The following ITGA11 variants were observed in gnomAD, a reference collection of about 807,000 sequenced individuals.
ITGA11 encodes integrin alpha-11.
A neutral mutation model predicts 141.9 loss-of-function variants in ITGA11; 97 were observed. The ratio of observed to expected loss-of-function variants is 0.68; its 90% CI spans 0.58 to 0.81. ITGA11 has a LOEUF of 0.81. ITGA11 is among the 30% of genes least tolerant of loss of function. The pLI is 0.00. For synonymous variants in ITGA11, 658 were observed against 624.6 expected (o/e 1.05, Z -0.80); for missense variants, 1,387 against 1,559.2 (o/e 0.89, Z 1.86).
intron 1 of ITGA11, among the ~76,000 whole-genome samples, chr15:68,423,700 C>T (rs1358573388): frequency 2.6e-5 from 4 of 152,198 alleles, no homozygotes; most frequent in African/African-American, 9.7e-5. Flanking sequence ...GTGGAGAAAG[C>T]TCTGGATGAA....
At chr15:68,370,440 C>T (rs926490906) in intron 2 of ITGA11, among the ~76,000 whole-genome samples, 2 of 152,174 alleles carry the variant, frequency 1.3e-5, no homozygotes, top group African/African-American at 4.8e-5. Context: ...CTCCAGGGCC[C>T]TCTACGCCTC....
At chr15:68,388,051 C>T (rs11072016) in intron 2 of ITGA11, among the ~76,000 whole-genome samples, 11,587 of 152,184 alleles carry the variant, frequency 0.076, 903 homozygotes, top group African/African-American at 0.2. Context: ...CTTGGATCCT[C>T]CAAACCAATG....
intron 9 of ITGA11, among the ~76,000 whole-genome samples, chr15:68,349,333 C>G (rs548716954): frequency 6.6e-6 from 1 of 152,220 alleles, no homozygotes. Flanking sequence ...TTGGATGGAA[C>G]TCAAACATCA....
intron 10 of ITGA11, among the ~76,000 whole-genome samples, chr15:68,342,725 T>C (rs1894608737): frequency 6.6e-6 from 1 of 152,142 alleles, no homozygotes; most frequent in Non-Finnish European, 1.5e-5. Context: ...CCGGGGCAGG[T>C]TTGTGCCCTA....
At position 68,328,395 on chromosome 15, in the gene ITGA11, G is replaced by A; in HGVS notation, c.1902-133C>T. 1.5e-6 allele frequency: 1 copy of A among 668,318 alleles called. No homozygotes were observed. The highest frequency in any genetic ancestry group is 1.8e-5 in the South Asian group (1 of 54,486). 41.4% of individuals were successfully genotyped at this position (668,318 alleles called of 1,614,324 possible). A position where few individuals can be genotyped will look rare whatever the true frequency, so the allele number is the denominator to read the frequency against. ...TGGAGGGGGTGAGGTGGAGGATGGAGGGGGCGAGGTGGAGGATGGAGGGGG... is the reference window on the plus strand; with the variant it reads ...TGGAGGGGGTGAGGTGGAGGATGGAAGGGGCGAGGTGGAGGATGGAGGGGG... On this transcript the variant is annotated intron_variant, in intron 15 of 29. Coordinates refer to ENST00000315757, the MANE Select transcript of ITGA11 (RefSeq NM_001004439.2). This position sits in a 1 kb window ranked among gnomAD's most constrained non-coding sequence, Gnocchi z 4.8.
At chr15:68,344,555 G>A (rs758465830) in intron 10 of ITGA11, among the ~76,000 whole-genome samples, 14 of 152,084 alleles carry the variant, frequency 9.2e-5, no homozygotes, top group Non-Finnish European at 2.1e-4. Context: ...GCTCATCTGG[G>A]ATGTTTATAC....
Position 68,335,611 on chromosome 15 carries a change from C to T in ITGA11, c.1425+86G>A, listed in dbSNP as rs749051887. The T allele has an allele frequency of 8.0e-5, 118 of 1,466,670 alleles. No homozygotes were observed. The highest frequency in any genetic ancestry group is 1.1e-4 in the Non-Finnish European group (114 of 1,070,952). The allele number at this position is 1,466,670 out of a possible 1,614,324, so 90.9% of individuals were successfully genotyped here. On this transcript the variant is annotated intron_variant, in intron 12 of 29. Transcript: ENST00000315757. This position sits in a 1 kb window ranked among gnomAD's most constrained non-coding sequence, Gnocchi z 4.9. ...CTGCCCTTTGGGGCACCCAGTGGTC[C>T]AGGCATGCCTGTATTTACTGCCCTC... is the stretch of plus-strand genomic sequence containing the variant.
chr15:68,408,386 G>T (rs1480921992), intron 1 of ITGA11, among the ~76,000 whole-genome samples: 1 of 152,116 alleles, frequency 6.6e-6, no homozygotes, highest in East Asian at 1.9e-4. Flanking sequence ...GGATGTGACT[G>T]TCTGATTACT....
intron 2 of ITGA11, among the ~76,000 whole-genome samples, chr15:68,399,576 G>A (rs11855998): frequency 0.038 from 5,722 of 152,142 alleles, 176 homozygotes; most frequent in African/African-American, 0.084. Context: ...ATTAATGGTG[G>A]ATTGGATAAA....
intron 1 of ITGA11, among the ~76,000 whole-genome samples, chr15:68,428,630 C>T (rs1229617196): frequency 6.6e-6 from 1 of 152,194 alleles, no homozygotes; most frequent in Admixed American, 6.5e-5. Flanking sequence ...CAAACTTTCC[C>T]TTCTTCCCTG....
chr15:68,306,777 C>T (rs1035021772), intron 28 of ITGA11, among the ~76,000 whole-genome samples: 3 of 152,214 alleles, frequency 2.0e-5, no homozygotes, highest in Admixed American at 6.5e-5. Context: ...GAGCTTACTC[C>T]GCCTCTGTAA....
At position 68,345,985 on chromosome 15, in the gene ITGA11, T is replaced by C. The variant is rs1335994426; in HGVS notation, c.1131+2845A>G. 2.0e-5 allele frequency among the ~76,000 whole-genome samples: 3 copies of C among 150,990 alleles called. No homozygotes were observed. The East Asian group carries it at 5.8e-4, about 29-fold the overall frequency. On this transcript the variant is annotated intron_variant, in intron 10 of 29. Coordinates refer to ENST00000315757, the MANE Select transcript of ITGA11 (RefSeq NM_001004439.2). ...TGAAAGGTTTTTGTTTTTGTTTTTG[T>C]TTTTAATACTAAAGAGTCTCAGATT... is the stretch of plus-strand genomic sequence containing the variant.
At chr15:68,417,627 CTTCCCAGGGCCCACCA>C (rs1566944230) in intron 1 of ITGA11, among the ~76,000 whole-genome samples, 1 of 152,168 alleles carries the variant, frequency 6.6e-6, no homozygotes, top group African/African-American at 2.4e-5. Context: ...ATTCTAGACC[CTTCCCAGGGCCCACCA>C]GGCCCTGCGG....
intron 1 of ITGA11, among the ~76,000 whole-genome samples, chr15:68,420,111 T>C (rs1234034104): frequency 6.6e-6 from 1 of 152,132 alleles, no homozygotes; most frequent in Non-Finnish European, 1.5e-5. Context: ...GCTCCCACCA[T>C]CTTTTCTGGG....
At chr15:68,331,612 T>A (rs1176693936) in intron 14 of ITGA11, among the ~76,000 whole-genome samples, 1 of 151,196 alleles carries the variant, frequency 6.6e-6, no homozygotes, top group Non-Finnish European at 1.5e-5. Flanking sequence ...TCTTGTTGTT[T>A]GTTGTTGGGG....
At chr15:68,430,975 C>A (rs1897254351) in intron 1 of ITGA11, among the ~76,000 whole-genome samples, 1 of 152,256 alleles carries the variant, frequency 6.6e-6, no homozygotes, top group Admixed American at 6.5e-5. Context: ...CTGACCCCCA[C>A]TACTGGCCCC....
chr15:68,404,914 A>G (rs1896605953), intron 1 of ITGA11, among the ~76,000 whole-genome samples: 1 of 152,188 alleles, frequency 6.6e-6, no homozygotes, highest in Admixed American at 6.5e-5. Flanking sequence ...CATGTATGTT[A>G]TCATTCGATC....
Position 68,333,140 on chromosome 15 carries a change from C to T in ITGA11, c.1426-662G>A, listed in dbSNP as rs965893340. Among the ~76,000 whole-genome samples the T allele has an allele frequency of 6.6e-6, 1 of 151,510 alleles. No homozygotes were observed. Among genetic ancestry groups the T allele is most frequent in the Non-Finnish European group, 1.5e-5 (1 of 67,966 alleles). On this transcript the variant is annotated intron_variant, in intron 12 of 29. Transcript: ENST00000315757. This position sits in a 1 kb window ranked among gnomAD's most constrained non-coding sequence, Gnocchi z 4.2. ...TTTGAGGCAAGGTTTTGCTCCATCA[C>T]CCAGACTGGAGTGCAATGGTGCAAT... is the stretch of plus-strand genomic sequence containing the variant.
At position 68,333,558 on chromosome 15, in the gene ITGA11, C is replaced by A. The variant is rs1391638058; in HGVS notation, c.1426-1080G>T. Among the ~76,000 whole-genome samples the A allele has an allele frequency of 6.6e-6, 1 of 152,222 alleles. No individual in the cohort carries two copies. Among genetic ancestry groups the A allele is most frequent in the East Asian group, 1.9e-4 (1 of 5,176 alleles). On this transcript the variant is annotated intron_variant, in intron 12 of 29. Transcript: ENST00000315757. The surrounding 1 kb of genome is among the most constrained non-coding windows in gnomAD (Gnocchi z 4.2). ...ACCCCCTCATCAGAAACCCAGAAAC[C>A]CTGACTCCACCCTCCACCTCTCCCA...
Sources: allele counts gnomAD v4.1 joint callset (sites outside exome capture counted in the v4.1 genomes callset), GRCh38; gene constraint gnomAD v4.1.1; non-coding constraint Gnocchi (gnomAD v3.1); transcripts MANE v1.5; gene names NCBI Gene and HGNC (gene_info 2026-07-23, HGNC 2026-07-21).